ACACB: variants seen among roughly 807,000 people sequenced by gnomAD.
ACACB encodes the protein acetyl-CoA carboxylase beta.
In ACACB, 209 loss-of-function variants were observed where a neutral mutation model predicts 278.8. That is an observed-to-expected ratio of 0.75 (90% CI 0.67 to 0.84). ACACB has a LOEUF of 0.84. Ranked by LOEUF, ACACB falls within the 40% of genes least tolerant of loss-of-function variation. ACACB has a pLI of 0.00. For missense variants in ACACB, 2,850 were observed against 3,269.0 expected, an observed-to-expected ratio of 0.87 and a Z score of 3.13; for synonymous variants, 1,174 against 1,285.6, an observed-to-expected ratio of 0.91 and a Z score of 1.86.
In ACACB at chr12:109,227,377, G is replaced by A. The variant is rs769110318; in HGVS notation, c.3889G>A (p.Val1297Met). The change falls in exon 28 of 53, where the codon GTG (valine) becomes ATG (methionine). Residue 1297 changes from valine (V) to methionine (M), a missense_variant. This residue lies in a region of ACACB where 2,265 missense variants were observed against 2,561.3 expected (regional missense o/e 0.88). Transcript: ENST00000338432. ...VVCMASLEVY[V>M]RRGYIAYELN... is the part of the protein sequence containing the mutation. ...TGTGTTTCTGCCTTGTCAGGTTTACGTGCGGAGGGGCTACATCGCCTATGA... is the reference window on the plus strand; with the variant it reads ...TGTGTTTCTGCCTTGTCAGGTTTACATGCGGAGGGGCTACATCGCCTATGA... 17 of 1,611,252 alleles carry A rather than the reference G, an allele frequency of 1.1e-5. No homozygotes were observed. The highest frequency in any genetic ancestry group is 4.4e-5 in the South Asian group (4 of 90,478).
Position 109,206,841 on chromosome 12 carries a change from C to T in ACACB, c.3045C>T (p.Pro1015=), listed in dbSNP as rs766318399. Residue 1015 remains proline, a synonymous_variant, in exon 20 of 53, where the codon CCC becomes CCT. Coordinates refer to ENST00000338432, the MANE Select transcript of ACACB (RefSeq NM_001093.4). ...TGAGTGGCTTTTGTCTGCCAGAGCC[C>T]GTTTTTAGCATAAAGGTAAAGTCAC... ...NVMSGFCLPE[P]VFSIKLKEWV... is the part of the protein sequence containing the mutation. 1.9e-6 allele frequency: 3 copies of T among 1,614,070 alleles called. No individual in the cohort carries two copies. Among genetic ancestry groups the T allele is most frequent in the East Asian group, 2.2e-5 (1 of 44,878 alleles).
intron 1 of ACACB, among the ~76,000 whole-genome samples, chr12:109,117,274 C>T (rs1207646155): frequency 2.7e-5 from 4 of 149,306 alleles, no homozygotes; most frequent in South Asian, 2.1e-4. Context: ...GCAGGAGAAT[C>T]GCTTGAACCC....
chr12:109,204,028 T>G (rs4766564), intron 19 of ACACB, among the ~76,000 whole-genome samples: 1 of 151,952 alleles, frequency 6.6e-6, no homozygotes, highest in East Asian at 1.9e-4. Flanking sequence ...TTTTCTTTTT[T>G]AAAAAAATTA....
chr12:109,262,623 G>GT (rs898301524), intron 49 of ACACB, among the ~76,000 whole-genome samples, 154 bp downstream of exon 49: 15 of 152,058 alleles, frequency 9.9e-5, no homozygotes, highest in African/African-American at 3.6e-4. Context: ...ACATTTGTCT[G>GT]TTTGTTTTGT....
intron 5 of ACACB, 32 bp downstream of exon 5, chr12:109,171,946 CT>C: frequency 6.4e-7 from 1 of 1,563,184 alleles, no homozygotes; most frequent in Non-Finnish European, 8.8e-7. Context: ...AGTGTGGCCC[CT>C]GAGTGTGGGA....
intron 2 of ACACB, among the ~76,000 whole-genome samples, chr12:109,158,438 T>A (rs1297395918): frequency 6.6e-6 from 1 of 152,038 alleles, no homozygotes; most frequent in Non-Finnish European, 1.5e-5. Flanking sequence ...TCCCAGCACT[T>A]TAGAAGACCA....
At position 109,242,641 on chromosome 12, in the gene ACACB, C is replaced by T. The variant is rs200008237; in HGVS notation, c.5178+49C>T. On this transcript the variant is annotated intron_variant, in intron 37 of 52. Coordinates refer to ENST00000338432, the MANE Select transcript of ACACB (RefSeq NM_001093.4). ...GTACCCCCTGGGTCCTCCCAGCAGA[C>T]TCCACCAGAACCAAAGCCCATCCTT... 1.0e-4 allele frequency: 165 copies of T among 1,596,460 alleles called. No homozygotes were observed. In the African/African-American group the frequency reaches 2.1e-3, roughly 20 times the overall value.
chr12:109,259,916 C>T (rs2047334317), intron 47 of ACACB: 1 of 468,568 alleles, frequency 2.1e-6, no homozygotes, highest in Admixed American at 2.8e-5. Context: ...AACTGGGTGA[C>T]ATCACTGAGC....
intron 1 of ACACB, among the ~76,000 whole-genome samples, chr12:109,138,059 A>C (rs1311911716): frequency 6.6e-6 from 1 of 151,962 alleles, no homozygotes; most frequent in Non-Finnish European, 1.5e-5. Context: ...CTCCATGCCC[A>C]GCTAATTTTT....
Position 109,222,786 on chromosome 12 carries a change from C to G in ACACB, c.3679-13C>G. The G allele has an allele frequency of 6.2e-7, 1 of 1,607,118 alleles. No homozygotes were observed. Among genetic ancestry groups the G allele is most frequent in the Non-Finnish European group, 8.5e-7 (1 of 1,174,198 alleles). On this transcript the variant is annotated splice_polypyrimidine_tract_variant and intron_variant, in intron 25 of 52. Coordinates refer to ENST00000338432, the MANE Select transcript of ACACB (RefSeq NM_001093.4). ...GTTGGCTCACGCCAGCGCCCCCATC[C>G]CTCCCCCTGCAGATCCTGATTGCCT... is the stretch of plus-strand genomic sequence containing the variant.
Position 109,193,674 on chromosome 12 carries a change from T to C in ACACB, c.2426T>C (p.Leu809Pro). The C allele has an allele frequency of 6.2e-7, 1 of 1,613,940 alleles. No homozygotes were observed. Among genetic ancestry groups the C allele is most frequent in the South Asian group, 1.1e-5 (1 of 91,078 alleles). ...GGCCAGGTCCTCCCAGCGGATTCAC[T>C]ACTGAACCTCGTAGATGTGGAATTA... ...ERGQVLPADS[L>P]LNLVDVELIY... The change falls in exon 16 of 53, where the codon CTA (leucine) becomes CCA (proline). Residue 809 changes from leucine (L) to proline (P), a missense_variant. By Grantham distance (98) the Leu-to-Pro change is moderately conservative (BLOSUM62 -3). This residue lies in a region of ACACB where 2,265 missense variants were observed against 2,561.3 expected (regional missense o/e 0.88). Transcript: ENST00000338432.
chr12:109,131,456 T>A (rs931195600), intron 1 of ACACB: 2 of 152,662 alleles, frequency 1.3e-5, no homozygotes. Context: ...GGGGAGTTAA[T>A]CTTGGTGGGA....
At chr12:109,215,425 T>C (rs1035099056) in intron 22 of ACACB, among the ~76,000 whole-genome samples, 2 of 152,108 alleles carry the variant, frequency 1.3e-5, no homozygotes, top group African/African-American at 2.4e-5. Flanking sequence ...ATCAACTCCA[T>C]ATCCTTTGAA....
At chr12:109,214,699 T>C (rs1244903979) in intron 22 of ACACB, among the ~76,000 whole-genome samples, 1 of 152,158 alleles carries the variant, frequency 6.6e-6, no homozygotes, top group Non-Finnish European at 1.5e-5. Flanking sequence ...GATTTGGTGA[T>C]GCTGCCATGA....
chr12:109,221,144 A>T (rs1007140864), intron 24 of ACACB, among the ~76,000 whole-genome samples: 1 of 152,204 alleles, frequency 6.6e-6, no homozygotes, highest in African/African-American at 2.4e-5. Context: ...CTTTCCTACC[A>T]CATTTCTTCA....
intron 4 of ACACB, among the ~76,000 whole-genome samples, chr12:109,170,824 T>A (rs246096): frequency 6.6e-6 from 1 of 151,264 alleles, no homozygotes; most frequent in African/African-American, 2.4e-5. Context: ...TAAAACTCTG[T>A]ATTGTATTTT....
At position 109,226,045 on chromosome 12, in the gene ACACB, A is replaced by G. The variant is rs576288673; in HGVS notation, c.3883-1326A>G. Among the ~76,000 whole-genome samples, 12 of 151,954 alleles carry G rather than the reference A, an allele frequency of 7.9e-5. No individual in the cohort carries two copies. In the East Asian group the frequency reaches 2.3e-3, roughly 30 times the overall value. On this transcript the variant is annotated intron_variant, in intron 27 of 52. Transcript: ENST00000338432. ...CTCTTTAGGAGGCTGAGGTGGGAGA[A>G]TCACTGAACTCAGGAGTTGCAGACC... is the stretch of plus-strand genomic sequence containing the variant.
intron 12 of ACACB, among the ~76,000 whole-genome samples, chr12:109,187,014 G>A (rs2044685646): frequency 1.3e-5 from 2 of 152,004 alleles, no homozygotes; most frequent in South Asian, 4.2e-4. Flanking sequence ...CTCCCAGAGG[G>A]AATCAGGTGT....
chr12:109,265,120 A>T lies in ACACB; in HGVS notation c.6953A>T (p.Glu2318Val), dbSNP rs778599057. 1.2e-6 allele frequency: 2 copies of T among 1,608,766 alleles called. No individual in the cohort carries two copies. Among genetic ancestry groups the T allele is most frequent in the Non-Finnish European group, 1.7e-6 (2 of 1,177,324 alleles). ...CTGGCTCGTCCACAGGACATCCTGGAGTGGAAGACCGCACGCACCTTCCTG... is the reference window on the plus strand; with the variant it reads ...CTGGCTCGTCCACAGGACATCCTGGTGTGGAAGACCGCACGCACCTTCCTG... ...LEKGVISDIL[E>V]WKTARTFLYW... The change falls in exon 51 of 53, where the codon GAG becomes GTG. Residue 2318 changes from glutamate to valine, a missense_variant. This residue lies in a region of ACACB where 579 missense variants were observed against 684.6 expected (regional missense o/e 0.85). Transcript: ENST00000338432.
Sources: allele counts gnomAD v4.1 joint callset (sites outside exome capture counted in the v4.1 genomes callset), GRCh38; gene constraint gnomAD v4.1.1; regional missense constraint gnomAD v4.1.1; transcripts MANE v1.5; gene names NCBI Gene and HGNC (gene_info 2026-07-23, HGNC 2026-07-21).